The following MSI2 variants were observed in gnomAD, a reference collection of about 807,000 sequenced individuals.
MSI2 encodes musashi RNA binding protein 2, also known as RNA-binding protein Musashi homolog 2.
In MSI2, 17 loss-of-function variants were observed where a neutral mutation model predicts 45.6. The ratio of observed to expected loss-of-function variants is 0.37; its 90% CI spans 0.26 to 0.56. The LOEUF is 0.56. Ranked by LOEUF, MSI2 falls within the 20% of genes least tolerant of loss-of-function variation. The pLI, the probability that MSI2 is intolerant of heterozygous loss-of-function variation, is 0.77. For missense variants in MSI2, 293 were observed against 444.2 expected (o/e 0.66, Z 3.06); for synonymous variants, 156 against 158.2 (o/e 0.99, Z 0.11).
chr17:57,256,625 G>A lies in MSI2; in HGVS notation c.-118G>A, dbSNP rs1462484920. On this transcript the variant is annotated 5_prime_UTR_variant, in exon 1 of 14. Transcript: ENST00000284073. ...GAGAGATTCGGAGGAGCCCGGGCGG[G>A]GGGGAGGAGGAGGGGGAGGAGGGAG... 1 of 456,304 alleles carries A rather than the reference G, an allele frequency of 2.2e-6. No individual in the cohort carries two copies. The highest frequency in any genetic ancestry group is 2.1e-5 in the African/African-American group (1 of 47,316). 28.3% of individuals were successfully genotyped at this position (456,304 alleles called of 1,614,324 possible). A position where few individuals can be genotyped will look rare whatever the true frequency, so the allele number is the denominator to read the frequency against.
chr17:57,369,616 A>T (rs1429901111), intron 5 of MSI2, among the ~76,000 whole-genome samples: 1 of 152,240 alleles, frequency 6.6e-6, no homozygotes, highest in Non-Finnish European at 1.5e-5. Context: ...AGATTAAGAA[A>T]TCGTAAAGCT....
intron 6 of MSI2, among the ~76,000 whole-genome samples, chr17:57,457,872 G>A (rs1598292676): frequency 6.6e-6 from 1 of 152,198 alleles, no homozygotes; most frequent in East Asian, 1.9e-4. Flanking sequence ...TTGGGCTCCT[G>A]CACTCCAGCC....
At chr17:57,321,002 C>T (rs994287791) in intron 5 of MSI2, among the ~76,000 whole-genome samples, 1 of 151,782 alleles carries the variant, frequency 6.6e-6, no homozygotes, top group African/African-American at 2.4e-5. Flanking sequence ...TCATCCAGCC[C>T]TCTAGATTCT....
At chr17:57,663,839 T>C (rs1361971137) in intron 11 of MSI2, among the ~76,000 whole-genome samples, 1 of 152,136 alleles carries the variant, frequency 6.6e-6, no homozygotes, top group Non-Finnish European at 1.5e-5. Flanking sequence ...CGTTCAGGCT[T>C]GGAAATGATC....
intron 6 of MSI2, among the ~76,000 whole-genome samples, chr17:57,451,943 G>A (rs151193848): frequency 2.0e-5 from 3 of 152,324 alleles, no homozygotes; most frequent in African/African-American, 7.2e-5. Flanking sequence ...TGGGGAAGAG[G>A]AGTATCAGGG....
In MSI2 at chr17:57,681,340, T is replaced by C. The variant is rs997363258; in HGVS notation, c.*1823T>C. 5.5e-6 allele frequency: 1 copy of C among 180,510 alleles called. No homozygotes were observed. Among genetic ancestry groups the C allele is most frequent in the Non-Finnish European group, 1.2e-5 (1 of 84,426 alleles). 11.2% of individuals were successfully genotyped at this position (180,510 alleles called of 1,614,324 possible). On this transcript the variant is annotated 3_prime_UTR_variant, in exon 14 of 14. Coordinates refer to ENST00000284073, the MANE Select transcript of MSI2 (RefSeq NM_138962.4). ...AACATATTGTAGTGTGGATATATAT[T>C]TTTTCTTTTTTAAAATGTGATATTG...
intron 5 of MSI2, among the ~76,000 whole-genome samples, chr17:57,357,665 T>C (rs144499816): frequency 1.9e-3 from 293 of 152,218 alleles, no homozygotes; most frequent in Middle Eastern, 6.8e-3. Flanking sequence ...CCTGTTCACA[T>C]AAAGGTGAAA....
chr17:57,378,783 G>A (rs1225866753), intron 5 of MSI2, among the ~76,000 whole-genome samples: 2 of 152,222 alleles, frequency 1.3e-5, no homozygotes, highest in East Asian at 3.9e-4. Context: ...CCACTGGGGA[G>A]AAGGTTCCAG....
At chr17:57,386,284 A>G (rs1351732590) in intron 5 of MSI2, among the ~76,000 whole-genome samples, 6 of 152,142 alleles carry the variant, frequency 3.9e-5, no homozygotes, top group Non-Finnish European at 7.4e-5. Flanking sequence ...TGGCTGCTGA[A>G]CAGAACTTTG....
chr17:57,615,868 A>G (rs1249329229), intron 8 of MSI2, 102 bp from the exon 9 acceptor site: 3 of 878,004 alleles, frequency 3.4e-6, no homozygotes, highest in Non-Finnish European at 5.5e-6. Context: ...GTGGGTAAGG[A>G]GCAAGGCTAA....
At chr17:57,397,677 A>G (rs1340113656) in intron 5 of MSI2, among the ~76,000 whole-genome samples, 3 of 152,214 alleles carry the variant, frequency 2.0e-5, no homozygotes, top group Non-Finnish European at 4.4e-5. Flanking sequence ...TTTGGCAGTC[A>G]TGCTGGCAGC....
chr17:57,302,972 G>C (rs930250147), intron 5 of MSI2, among the ~76,000 whole-genome samples: 1 of 152,124 alleles, frequency 6.6e-6, no homozygotes, highest in Non-Finnish European at 1.5e-5. Flanking sequence ...AGGAGAGAGG[G>C]AGAAACAGCA....
At chr17:57,624,460 A>C (rs922612452) in intron 9 of MSI2, among the ~76,000 whole-genome samples, 27 of 152,218 alleles carry the variant, frequency 1.8e-4, no homozygotes, top group African/African-American at 6.3e-4. Flanking sequence ...GCCAGTATGC[A>C]TGTGTCCATT....
At chr17:57,304,139 A>AT (rs1454573185) in intron 5 of MSI2, among the ~76,000 whole-genome samples, 1 of 152,116 alleles carries the variant, frequency 6.6e-6, no homozygotes, top group African/African-American at 2.4e-5. Context: ...CGGGTGGATC[A>AT]TGAGGTCAGG....
At chr17:57,536,761 G>A (rs956180988) in intron 7 of MSI2, among the ~76,000 whole-genome samples, 1 of 152,198 alleles carries the variant, frequency 6.6e-6, no homozygotes, top group Admixed American at 6.5e-5. Context: ...ACCACCAACA[G>A]CCAGGGTTCC....
At chr17:57,494,998 G>C (rs1035184604) in intron 6 of MSI2, among the ~76,000 whole-genome samples, 1 of 152,140 alleles carries the variant, frequency 6.6e-6, no homozygotes, top group African/African-American at 2.4e-5. Flanking sequence ...TGGAACACAG[G>C]GTAAAGGAGA....
chr17:57,444,311 AC>A (rs1190156865), intron 6 of MSI2, among the ~76,000 whole-genome samples: 1 of 152,048 alleles, frequency 6.6e-6, no homozygotes, highest in African/African-American at 2.4e-5. Flanking sequence ...CGGGCCAGGC[AC>A]AGTAGCTCAC....
chr17:57,312,799 C>T (rs1912507475), intron 5 of MSI2, among the ~76,000 whole-genome samples: 1 of 152,116 alleles, frequency 6.6e-6, no homozygotes, highest in African/African-American at 2.4e-5. Context: ...ATGTCCAGGG[C>T]ACCATTATAG....
intron 6 of MSI2, among the ~76,000 whole-genome samples, chr17:57,477,145 G>GGTGT (rs59127306): frequency 0.04 from 4,782 of 118,610 alleles, 169 homozygotes; most frequent in Middle Eastern, 0.063. Flanking sequence ...CATAAGGCCT[G>GGTGT]GTGTGTGTGT....
Sources: gnomAD v4.1 joint callset for allele counts (sites outside exome capture counted in the v4.1 genomes callset) on GRCh38, gnomAD v4.1.1 for gene constraint, MANE v1.5 for transcripts, NCBI Gene and HGNC (gene_info 2026-07-23, HGNC 2026-07-21) for gene names.